The following ELL variants were observed in gnomAD, a reference collection of about 807,000 sequenced individuals.
ELL encodes elongation factor for RNA polymerase II, also known as RNA polymerase II elongation factor ELL.
Under a neutral mutation model 64.0 loss-of-function variants are expected in ELL, and 18 were observed. That is an observed-to-expected ratio of 0.28 (90% CI 0.19 to 0.42). The LOEUF (loss-of-function observed/expected upper bound fraction) is 0.42, where lower values mean the gene tolerates loss of function less well. ELL is among the 10% of genes least tolerant of loss of function. The pLI is 1.00. For synonymous variants in ELL, 399 were observed against 376.2 expected, an observed-to-expected ratio of 1.06 and a Z score of -0.70; for missense variants, 797 against 870.4, an observed-to-expected ratio of 0.92 and a Z score of 1.06.
At chr19:18,502,948 A>C (rs1326854932) in intron 1 of ELL, among the ~76,000 whole-genome samples, 1 of 152,262 alleles carries the variant, frequency 6.6e-6, no homozygotes, top group Non-Finnish European at 1.5e-5. Flanking sequence ...CGCTCCAGGC[A>C]GGCAGCTCGG....
intron 1 of ELL, among the ~76,000 whole-genome samples, chr19:18,507,824 G>C (rs1401700008): frequency 6.6e-6 from 1 of 152,162 alleles, no homozygotes; most frequent in Non-Finnish European, 1.5e-5. Flanking sequence ...AGCCCAACTA[G>C]AATCAGACAC....
chr19:18,499,372 G>T (rs940645719), intron 1 of ELL, among the ~76,000 whole-genome samples: 1 of 152,174 alleles, frequency 6.6e-6, no homozygotes, highest in Non-Finnish European at 1.5e-5. Flanking sequence ...GATCTAACTT[G>T]CAAGGCTGCT....
In ELL at chr19:18,444,718, GACCC is replaced by G; in HGVS notation, c.*30_*33del. 1 of 1,557,578 alleles carries G rather than the reference GACCC, an allele frequency of 6.4e-7. No individual in the cohort carries two copies. The highest frequency in any genetic ancestry group is 8.7e-7 in the Non-Finnish European group (1 of 1,150,580). On this transcript the variant is annotated 3_prime_UTR_variant, in exon 12 of 12. Coordinates refer to ENST00000262809, the MANE Select transcript of ELL (RefSeq NM_006532.4). Reference sequence around the variant, plus strand: ...CTCTCTCACCGCCTTTTGCTCCCCCGACCCTCCCAGATCCCCGCCATCGGGGAGG... The same window carrying G: ...CTCTCTCACCGCCTTTTGCTCCCCCGTCCCAGATCCCCGCCATCGGGGAGG...
intron 1 of ELL, among the ~76,000 whole-genome samples, chr19:18,516,983 A>G (rs575490759): frequency 2.0e-5 from 3 of 152,114 alleles, no homozygotes; most frequent in African/African-American, 7.2e-5. Context: ...TTTTTTTCTG[A>G]ACAACGGTGT....
At chr19:18,495,530 G>T (rs959180356) in intron 1 of ELL, among the ~76,000 whole-genome samples, 1 of 152,180 alleles carries the variant, frequency 6.6e-6, no homozygotes, top group South Asian at 2.1e-4. Context: ...GACCCTAAAG[G>T]CTTCTTGGAA....
At chr19:18,511,671 C>A (rs1036196766) in intron 1 of ELL, among the ~76,000 whole-genome samples, 14 of 152,106 alleles carry the variant, frequency 9.2e-5, no homozygotes, top group Non-Finnish European at 2.1e-4. Context: ...GTACAGGGGG[C>A]CCCAGCTCCC....
intron 6 of ELL, among the ~76,000 whole-genome samples, chr19:18,454,250 A>G (rs532493540): frequency 1.8e-4 from 28 of 152,354 alleles, no homozygotes; most frequent in South Asian, 1.2e-3. Flanking sequence ...CTGTAATCCC[A>G]GCACTTTGGG....
At chr19:18,445,909 T>A (rs1016068137) in intron 10 of ELL, among the ~76,000 whole-genome samples, 1 of 152,008 alleles carries the variant, frequency 6.6e-6, no homozygotes. Context: ...GCAGCATGGA[T>A]GGGCCCCAGG....
chr19:18,481,269 T>C (rs1975294235), intron 1 of ELL, among the ~76,000 whole-genome samples: 1 of 152,198 alleles, frequency 6.6e-6, no homozygotes, highest in South Asian at 2.1e-4. Context: ...CAACTGAGCA[T>C]AAACTTGTGG....
chr19:18,451,001 G>A (rs879240533), intron 7 of ELL, 26 bp from the exon 8 acceptor site: 1 of 1,507,184 alleles, frequency 6.6e-7, no homozygotes, highest in South Asian at 1.3e-5. Flanking sequence ...GATCATTTTA[G>A]AGGGGAGCAC....
intron 1 of ELL, among the ~76,000 whole-genome samples, chr19:18,512,326 CAAAAATAAAGAAAT>C (rs914604134): frequency 6.6e-6 from 1 of 151,212 alleles, no homozygotes; most frequent in African/African-American, 2.4e-5. Context: ...AGCTCCGTCT[CAAAAATAAAGAAAT>C]AAAAATAAAG....
intron 1 of ELL, among the ~76,000 whole-genome samples, chr19:18,507,299 A>C (rs1446804089): frequency 6.6e-6 from 1 of 152,220 alleles, no homozygotes; most frequent in Admixed American, 6.5e-5. Context: ...GAAAAGGGAG[A>C]GATAACATCC....
chr19:18,452,423 G>A (rs1974560319), intron 6 of ELL, among the ~76,000 whole-genome samples: 1 of 152,246 alleles, frequency 6.6e-6, no homozygotes, highest in African/African-American at 2.4e-5. Context: ...TGAGAGGAGA[G>A]CCATGTGGAC....
At chr19:18,445,488 GGGCAC>G in intron 10 of ELL, 1 of 466,044 alleles carries the variant, frequency 2.1e-6, no homozygotes, top group Non-Finnish European at 4.0e-6. Flanking sequence ...ATAGCAGGTG[GGGCAC>G]TGCTGTTGTG....
At chr19:18,450,335 G>A in intron 8 of ELL, 142 bp downstream of exon 8, 3 of 1,381,680 alleles carry the variant, frequency 2.2e-6, no homozygotes, top group Non-Finnish European at 2.9e-6. Context: ...AGGCACACAG[G>A]GCAAATCTGA....
intron 1 of ELL, among the ~76,000 whole-genome samples, chr19:18,490,278 G>A (rs1228328730): frequency 2.0e-5 from 3 of 148,450 alleles, no homozygotes; most frequent in Non-Finnish European, 4.4e-5. Context: ...TTTGAGGGCC[G>A]GCTGGAGACT....
At chr19:18,495,528 A>G (rs1401770914) in intron 1 of ELL, among the ~76,000 whole-genome samples, 2 of 152,162 alleles carry the variant, frequency 1.3e-5, no homozygotes, top group African/African-American at 4.8e-5. Context: ...AGGACCCTAA[A>G]GGCTTCTTGG....
chr19:18,466,693 C>G (rs1974943561), intron 2 of ELL, among the ~76,000 whole-genome samples: 1 of 152,238 alleles, frequency 6.6e-6, no homozygotes, highest in Non-Finnish European at 1.5e-5. Context: ...AGGCTGACCC[C>G]AGACCCTCTG....
intron 1 of ELL, among the ~76,000 whole-genome samples, chr19:18,514,844 G>A (rs1439941647): frequency 6.6e-6 from 1 of 152,234 alleles, no homozygotes; most frequent in Non-Finnish European, 1.5e-5. Context: ...AAACAAGGCT[G>A]ATGCCCCCTG....
Sources: gnomAD v4.1 joint callset for allele counts (sites outside exome capture counted in the v4.1 genomes callset) on GRCh38, gnomAD v4.1.1 for gene constraint, MANE v1.5 for transcripts, NCBI Gene and HGNC (gene_info 2026-07-23, HGNC 2026-07-21) for gene names.